Variants in CHRM5 observed in about 807,000 individuals in gnomAD.
The protein encoded by CHRM5 is cholinergic receptor muscarinic 5, also known as muscarinic acetylcholine receptor M5.
In CHRM5, 18 loss-of-function variants were observed where a neutral mutation model predicts 39.0. The observed-to-expected ratio is 0.46, with a 90% CI of 0.32 to 0.68. The LOEUF (loss-of-function observed/expected upper bound fraction) is 0.68. Ranked by LOEUF, CHRM5 falls within the 30% of genes least tolerant of loss-of-function variation. The probability of loss-of-function intolerance (pLI) is 0.04; values close to 1 mark genes in which losing one functional copy is unlikely to be tolerated. For synonymous variants in CHRM5, 241 were observed against 246.3 expected (o/e 0.98, Z 0.20); for missense variants, 515 against 651.1 (o/e 0.79, Z 2.28).
chr15:33,992,259 G>A (rs1053381814), intron 1 of CHRM5, among the ~76,000 whole-genome samples: 4 of 152,098 alleles, frequency 2.6e-5, no homozygotes, highest in South Asian at 4.2e-4. Context: ...GCGTGGTGGC[G>A]GGCACCTGTA....
At chr15:34,019,932 A>C (rs1012932324) in intron 1 of CHRM5, among the ~76,000 whole-genome samples, 1 of 152,390 alleles carries the variant, frequency 6.6e-6, no homozygotes. Context: ...AGTCTTAAGC[A>C]GTTCTTTTGT....
chr15:34,014,809 G>C (rs1454593050), intron 1 of CHRM5, among the ~76,000 whole-genome samples: 1 of 152,136 alleles, frequency 6.6e-6, no homozygotes, highest in Non-Finnish European at 1.5e-5. Context: ...GTGGCCCCTT[G>C]ACCTCTCAAA....
intron 1 of CHRM5, among the ~76,000 whole-genome samples, chr15:34,036,056 A>C (rs1464216793): frequency 6.6e-6 from 1 of 150,796 alleles, no homozygotes; most frequent in Non-Finnish European, 1.5e-5. Flanking sequence ...TCAGCCTCCC[A>C]AAGTGCTGGG....
At chr15:34,038,618 GGCGCGCCCCCGCGCCA>G (rs1899276690) in intron 1 of CHRM5, among the ~76,000 whole-genome samples, 1 of 2,268 alleles carries the variant, frequency 4.4e-4, no homozygotes, top group Non-Finnish European at 7.6e-3. Context: ...CCCGCCACCA[GGCGCGCCCCCGCGCCA>G]CCATCCGCCC....
At position 34,035,090 on chromosome 15, in the gene CHRM5, T is replaced by C. The variant is rs149257336; in HGVS notation, c.-407-11450T>C. On this transcript the variant is annotated intron_variant, in intron 1 of 2. Coordinates refer to ENST00000383263, the MANE Select transcript of CHRM5 (RefSeq NM_012125.4). ...AAACTTGAATAGAAAATTAGAGATT[T>C]CCTTTTTACCCAGTGAAATGAAAAT... Among the ~76,000 whole-genome samples, 59 of 152,278 alleles carry C rather than the reference T, an allele frequency of 3.9e-4. No individual in the cohort carries two copies. In the East Asian group the frequency reaches 8.1e-3, roughly 21 times the overall value.
At chr15:33,991,659 T>G (rs549125251) in intron 1 of CHRM5, 1 of 152,284 alleles carries the variant, frequency 6.6e-6, no homozygotes, top group African/African-American at 2.4e-5. Context: ...GGATACACTT[T>G]ATCAGTAGAG....
intron 1 of CHRM5, among the ~76,000 whole-genome samples, chr15:34,005,389 G>C (rs1231298053): frequency 6.6e-6 from 1 of 152,042 alleles, no homozygotes; most frequent in Non-Finnish European, 1.5e-5. Flanking sequence ...TTATTGACAA[G>C]GCCAGGCTAG....
intron 1 of CHRM5, among the ~76,000 whole-genome samples, chr15:33,989,824 T>A (rs759629483): frequency 3.2e-4 from 48 of 151,564 alleles, no homozygotes; most frequent in Non-Finnish European, 5.4e-4. Flanking sequence ...CTTAATTTTT[T>A]TAAGGAGAGG....
intron 1 of CHRM5, among the ~76,000 whole-genome samples, chr15:33,974,627 T>C (rs1415741216): frequency 6.6e-6 from 1 of 152,204 alleles, no homozygotes; most frequent in Non-Finnish European, 1.5e-5. Context: ...ATAATGCATG[T>C]GTACGTCCTC....
rs533081558 is a variant in CHRM5, at chr15:34,038,801, C to A, written c.-407-7739C>A. 633 of 1,193,284 alleles carry A rather than the reference C, an allele frequency of 5.3e-4. 2 individuals carry two copies. The African/African-American group carries it at 9.6e-3, about 18-fold the overall frequency. The allele number at this position is 1,193,284 out of a possible 1,614,324, so 73.9% of individuals were successfully genotyped here. Reference sequence around the variant, plus strand: ...TTACCGGCGCGCTGGCCCCTGCGCCCCAGCCTCCCGGCTCCCGGCGGCTGC... The same window carrying A: ...TTACCGGCGCGCTGGCCCCTGCGCCACAGCCTCCCGGCTCCCGGCGGCTGC... On this transcript the variant is annotated intron_variant, in intron 1 of 2. Coordinates refer to ENST00000383263, the MANE Select transcript of CHRM5 (RefSeq NM_012125.4).
At chr15:34,026,839 G>A (rs1332498441) in intron 1 of CHRM5, among the ~76,000 whole-genome samples, 1 of 152,098 alleles carries the variant, frequency 6.6e-6, no homozygotes, top group Non-Finnish European at 1.5e-5. Flanking sequence ...TCAACCTTAA[G>A]AGAGTTCTGT....
intron 1 of CHRM5, 105 bp from the exon 2 acceptor site, chr15:34,046,435 C>G (rs1292127219): frequency 2.0e-5 from 3 of 151,188 alleles, no homozygotes; most frequent in African/African-American, 7.3e-5. Flanking sequence ...TTTTTTAACT[C>G]AAGTGATTTT....
At chr15:34,055,189 T>C (rs1341268118) in intron 2 of CHRM5, among the ~76,000 whole-genome samples, 2 of 139,510 alleles carry the variant, frequency 1.4e-5, no homozygotes, top group Non-Finnish European at 3.1e-5. Flanking sequence ...TGAAACTCCG[T>C]CTCAAAAAAA....
At position 34,063,176 on chromosome 15, in the gene CHRM5, G is replaced by T; in HGVS notation, c.459G>T (p.Leu153Phe). ...AAAGGGCTGGCATCATGATTGGCTTGGCCTGGCTGATCTCCTTCATCCTCT... is the reference window on the plus strand; with the variant it reads ...AAAGGGCTGGCATCATGATTGGCTTTGCCTGGCTGATCTCCTTCATCCTCT... Reference protein sequence around the residue: ...TPKRAGIMIGLAWLISFILWA... With the variant: ...TPKRAGIMIGFAWLISFILWA... The change falls in exon 3 of 3, where the codon TTG (leucine) becomes TTT (phenylalanine). Residue 153 changes from leucine to phenylalanine, a missense_variant. Leu to Phe is a conservative substitution (Grantham distance 22). Transcript: ENST00000383263. This position sits in a 1 kb window ranked among gnomAD's most constrained non-coding sequence, Gnocchi z 4.1. The T allele has an allele frequency of 6.2e-7, 1 of 1,614,132 alleles. No homozygotes were observed. Among genetic ancestry groups the T allele is most frequent in the Non-Finnish European group, 8.5e-7 (1 of 1,180,030 alleles).
At chr15:34,053,733 A>G (rs904158740) in intron 2 of CHRM5, among the ~76,000 whole-genome samples, 3 of 152,228 alleles carry the variant, frequency 2.0e-5, no homozygotes, top group Non-Finnish European at 4.4e-5. Flanking sequence ...ACTCTAGAAG[A>G]AAAGCTAGGC....
chr15:34,063,968 C>T lies in CHRM5; in HGVS notation c.1251C>T (p.Gly417=), dbSNP rs746559330. ...FPVAKEPSTK[G]LNPNPSHQMT... ...TGGCCAAGGAACCTTCAACGAAAGG[C>T]CTCAATCCCAACCCCAGCCATCAAA... Residue 417 remains glycine, a synonymous_variant, in exon 3 of 3, where the codon GGC becomes GGT. Coordinates refer to ENST00000383263, the MANE Select transcript of CHRM5 (RefSeq NM_012125.4). The surrounding 1 kb of genome is among the most constrained non-coding windows in gnomAD (Gnocchi z 4.1). 6.2e-7 allele frequency: 1 copy of T among 1,614,166 alleles called. No individual in the cohort carries two copies. Among genetic ancestry groups the T allele is most frequent in the Admixed American group, 1.7e-5 (1 of 60,020 alleles).
chr15:34,035,666 A>G (rs1016013480), intron 1 of CHRM5, among the ~76,000 whole-genome samples: 1 of 152,232 alleles, frequency 6.6e-6, no homozygotes, highest in African/African-American at 2.4e-5. Flanking sequence ...GAGGAAGGAA[A>G]AAAGAAAAAA....
rs537624432 is a variant in CHRM5, at chr15:34,024,317, G to T, written c.-407-22223G>T. Among the ~76,000 whole-genome samples, 3 of 152,108 alleles carry T rather than the reference G, an allele frequency of 2.0e-5. No individual in the cohort carries two copies. The East Asian group carries it at 5.8e-4, about 29-fold the overall frequency. On this transcript the variant is annotated intron_variant, in intron 1 of 2. Coordinates refer to ENST00000383263, the MANE Select transcript of CHRM5 (RefSeq NM_012125.4). ...TGATAAATGGTATCAAAATAAAGTA[G>T]GTATGAGATGAAGAGTGATGGGCGG...
chr15:33,994,283 TC>T, intron 1 of CHRM5, among the ~76,000 whole-genome samples: 1 of 152,316 alleles, frequency 6.6e-6, no homozygotes, highest in South Asian at 2.1e-4. Context: ...ATGCAAGGGA[TC>T]CAGGTTGCAC....
Sources: gnomAD v4.1 joint callset for allele counts (sites outside exome capture counted in the v4.1 genomes callset) on GRCh38, gnomAD v4.1.1 for gene constraint, Gnocchi (gnomAD v3.1) non-coding constraint, MANE v1.5 for transcripts, NCBI Gene and HGNC (gene_info 2026-07-23, HGNC 2026-07-21) for gene names.